The following HSDL2 variants were observed in gnomAD, a reference collection of about 807,000 sequenced individuals.
The protein encoded by HSDL2 is hydroxysteroid dehydrogenase-like protein 2.
Under a neutral mutation model 46.3 loss-of-function variants are expected in HSDL2, and 27 were observed. The observed-to-expected ratio is 0.58, with a 90% CI of 0.43 to 0.80. HSDL2 has a LOEUF of 0.80. Ranked by LOEUF, HSDL2 falls within the 30% of genes least tolerant of loss-of-function variation. HSDL2 has a pLI of 0.00. For synonymous variants in HSDL2, 153 were observed against 163.6 expected, an observed-to-expected ratio of 0.94 and a Z score of 0.50; for missense variants, 451 against 502.7, an observed-to-expected ratio of 0.90 and a Z score of 0.98.
At chr9:112,464,471 T>C (rs1833317149) in intron 10 of HSDL2, among the ~76,000 whole-genome samples, 1 of 152,222 alleles carries the variant, frequency 6.6e-6, no homozygotes, top group Non-Finnish European at 1.5e-5. Context: ...CTTTTCCCAC[T>C]AAATATTTTC....
At chr9:112,381,088 T>TACACACACACACACAC (rs111459650) in intron 1 of HSDL2, among the ~76,000 whole-genome samples, 16,541 of 133,938 alleles carry the variant, frequency 0.12, 966 homozygotes, top group East Asian at 0.19. Flanking sequence ...TACATCCGGA[T>TACACACACACACACAC]ACACACACAC....
At chr9:112,413,751 C>T (rs1209467196) in intron 4 of HSDL2, among the ~76,000 whole-genome samples, 1 of 152,112 alleles carries the variant, frequency 6.6e-6, no homozygotes, top group Admixed American at 6.6e-5. Flanking sequence ...AGAAATAGCA[C>T]TTGAACATAA....
chr9:112,457,379 T>G (rs1833063319), intron 9 of HSDL2, among the ~76,000 whole-genome samples: 1 of 152,054 alleles, frequency 6.6e-6, no homozygotes, highest in Non-Finnish European at 1.5e-5. Context: ...GTATTAAAAT[T>G]TTAAACGTTG....
At chr9:112,394,109 C>T (rs7852741) in intron 1 of HSDL2, among the ~76,000 whole-genome samples, 21,305 of 151,838 alleles carry the variant, frequency 0.14, 1,857 homozygotes, top group East Asian at 0.21. Context: ...GGGGGATCGG[C>T]GTCAAAAAGA....
chr9:112,445,070 G>C (rs953328671), intron 8 of HSDL2, among the ~76,000 whole-genome samples: 3 of 151,834 alleles, frequency 2.0e-5, no homozygotes, highest in African/African-American at 7.3e-5. Context: ...GTAAAGAGGG[G>C]GTCTTGTTAT....
At chr9:112,442,122 C>T (rs191932714) in intron 8 of HSDL2, among the ~76,000 whole-genome samples, 26 of 151,278 alleles carry the variant, frequency 1.7e-4, no homozygotes, top group Non-Finnish European at 3.2e-4. Flanking sequence ...AAAAAAAATA[C>T]GTTGGGCGTG....
At chr9:112,391,867 CAA>C (rs1321400060) in intron 1 of HSDL2, among the ~76,000 whole-genome samples, 2 of 117,600 alleles carry the variant, frequency 1.7e-5, no homozygotes, top group African/African-American at 3.4e-5. Flanking sequence ...GCCTGGGCGA[CAA>C]GAGCAAAACT....
intron 6 of HSDL2, among the ~76,000 whole-genome samples, chr9:112,433,525 T>C (rs143947551): frequency 1.3e-5 from 2 of 152,218 alleles, no homozygotes; most frequent in African/African-American, 4.8e-5. Flanking sequence ...AGTGAAGTAA[T>C]ATGGTTGCTG....
At chr9:112,388,274 A>T (rs1251403205) in intron 1 of HSDL2, among the ~76,000 whole-genome samples, 1 of 151,398 alleles carries the variant, frequency 6.6e-6, no homozygotes, top group Non-Finnish European at 1.5e-5. Flanking sequence ...CAGCCTGACC[A>T]ACATGGTGAA....
chr9:112,452,055 C>T (rs1302108633), intron 8 of HSDL2, among the ~76,000 whole-genome samples: 2 of 152,144 alleles, frequency 1.3e-5, no homozygotes, highest in Non-Finnish European at 2.9e-5. Flanking sequence ...AAGGGGTACA[C>T]TGTAGTAAAT....
chr9:112,418,562 CA>C (rs59788116), intron 5 of HSDL2, among the ~76,000 whole-genome samples: 174 of 127,660 alleles, frequency 1.4e-3, no homozygotes, highest in East Asian at 4.7e-3. Context: ...CAGCCTGTCT[CA>C]AAAAAAAAAA....
rs1274838834 is a variant in HSDL2, at chr9:112,404,013, A to G, written c.36A>G (p.Thr12=). The change falls in exon 2 of 11, where the codon ACA becomes ACG. Residue 12 remains threonine (T), a synonymous_variant. Transcript: ENST00000398805. ...LPNTGRLAGC[T]VFITGASRGI... ...GTTGTAGGAGGCTGGCAGGATGTAC[A>G]GTTTTTATCACAGGTGCAAGCCGTG... 4 of 1,614,176 alleles carry G rather than the reference A, an allele frequency of 2.5e-6. No homozygotes were observed. Among genetic ancestry groups the G allele is most frequent in the Non-Finnish European group, 3.4e-6 (4 of 1,180,008 alleles).
intron 1 of HSDL2, among the ~76,000 whole-genome samples, chr9:112,388,118 C>T (rs1831256231): frequency 6.6e-6 from 1 of 151,524 alleles, no homozygotes; most frequent in African/African-American, 2.4e-5. Flanking sequence ...GTGATTGCAC[C>T]ACTGTACTTC....
intron 10 of HSDL2, among the ~76,000 whole-genome samples, chr9:112,464,325 T>C (rs898390710): frequency 6.6e-6 from 1 of 152,184 alleles, no homozygotes; most frequent in Non-Finnish European, 1.5e-5. Context: ...TGTTCTTTAT[T>C]GGATATGTGA....
At position 112,401,530 on chromosome 9, in the gene HSDL2, T is replaced by C. The variant is rs139684481; in HGVS notation, c.18-2465T>C. On this transcript the variant is annotated intron_variant, in intron 1 of 10. Transcript: ENST00000398805. ...AAAATTAGCATTCCTTGTCATCGAA[T>C]TGATCACAAATACTCATCTGTAACA... Among the ~76,000 whole-genome samples, 425 of 151,824 alleles carry C rather than the reference T, an allele frequency of 2.8e-3. 2 individuals are homozygous for C. The highest frequency in any genetic ancestry group is 0.01 in the African/African-American group (419 of 41,360).
At position 112,391,303 on chromosome 9, in the gene HSDL2, C is replaced by A. The variant is rs540307804; in HGVS notation, c.17+11123C>A. 9.9e-5 allele frequency among the ~76,000 whole-genome samples: 15 copies of A among 151,056 alleles called. No individual in the cohort carries two copies. The South Asian group carries it at 2.5e-3, about 25-fold the overall frequency. On this transcript the variant is annotated intron_variant, in intron 1 of 10. Coordinates refer to ENST00000398805, the MANE Select transcript of HSDL2 (RefSeq NM_032303.5). Reference sequence around the variant, plus strand: ...CGACATAGCAAGACCCTGTCCCCCCCCAAAAAATAAAAAAATTAAATTAAC... The same window carrying A: ...CGACATAGCAAGACCCTGTCCCCCCACAAAAAATAAAAAAATTAAATTAAC...
chr9:112,419,951 T>G (rs1832082299), intron 6 of HSDL2, among the ~76,000 whole-genome samples: 1 of 152,198 alleles, frequency 6.6e-6, no homozygotes, highest in Admixed American at 6.5e-5. Context: ...CAGAGTAGCT[T>G]AAAGGAAGAA....
chr9:112,421,160 T>C (rs1832114349), intron 6 of HSDL2, among the ~76,000 whole-genome samples: 1 of 152,032 alleles, frequency 6.6e-6, no homozygotes, highest in African/African-American at 2.4e-5. Context: ...TGAGACCCCA[T>C]CTCTACAAAA....
intron 8 of HSDL2, among the ~76,000 whole-genome samples, chr9:112,450,316 T>G (rs1384270303): frequency 1.6e-5 from 2 of 121,528 alleles, no homozygotes; most frequent in African/African-American, 6.5e-5. Flanking sequence ...AAAGACAAGT[T>G]TAATACAGAA....
Sources: allele counts gnomAD v4.1 joint callset (sites outside exome capture counted in the v4.1 genomes callset), GRCh38; gene constraint gnomAD v4.1.1; transcripts MANE v1.5; gene names NCBI Gene and HGNC (gene_info 2026-07-23, HGNC 2026-07-21).